SND1: variants seen among roughly 807,000 people sequenced by gnomAD.
SND1 encodes the protein staphylococcal nuclease domain-containing protein 1.
SND1 carries 38 observed loss-of-function variants against 121.7 expected under a neutral mutation model. The ratio of observed to expected loss-of-function variants is 0.31; its 90% CI spans 0.24 to 0.41. The LOEUF (loss-of-function observed/expected upper bound fraction) is 0.41, where lower values mean the gene tolerates loss of function less well. SND1 is among the 10% of genes least tolerant of loss of function. SND1 has a pLI of 1.00. For missense variants in SND1, 868 were observed against 1,184.6 expected (o/e 0.73, Z 3.92); for synonymous variants, 401 against 447.4 (o/e 0.90, Z 1.31).
chr7:127,988,285 T>A (rs2116912539), intron 15 of SND1, among the ~76,000 whole-genome samples: 1 of 152,302 alleles, frequency 6.6e-6, no homozygotes, highest in South Asian at 2.1e-4. Context: ...GGGAATAGAT[T>A]CTGCCTCTGC....
At chr7:127,790,112 G>A (rs1033406915) in intron 10 of SND1, among the ~76,000 whole-genome samples, 2 of 152,168 alleles carry the variant, frequency 1.3e-5, no homozygotes, top group African/African-American at 4.8e-5. Flanking sequence ...ACATTCTGTA[G>A]CTAGGTGGCA....
chr7:127,830,118 C>T (rs575378402), intron 11 of SND1, among the ~76,000 whole-genome samples: 2 of 152,192 alleles, frequency 1.3e-5, no homozygotes, highest in African/African-American at 4.8e-5. Context: ...TGCGGTGGCT[C>T]ATGCCTGTAA....
chr7:127,673,438 A>G (rs922782550), intron 1 of SND1, among the ~76,000 whole-genome samples: 6 of 151,986 alleles, frequency 3.9e-5, no homozygotes, highest in African/African-American at 1.4e-4. Flanking sequence ...TAGCCTCTCG[A>G]GTAGCTGGGA....
At chr7:127,929,530 C>G (rs1457788140) in intron 15 of SND1, among the ~76,000 whole-genome samples, 1 of 152,182 alleles carries the variant, frequency 6.6e-6, no homozygotes, top group Non-Finnish European at 1.5e-5. Context: ...TTCTGCTCCT[C>G]ATTTCTACCA....
chr7:127,881,862 C>G (rs1320367558), intron 12 of SND1, among the ~76,000 whole-genome samples: 1 of 152,152 alleles, frequency 6.6e-6, no homozygotes, highest in Non-Finnish European at 1.5e-5. Flanking sequence ...TAGCCTTGAT[C>G]TCCTGGACGC....
At chr7:127,709,917 G>GA (rs1429412265) in intron 9 of SND1, among the ~76,000 whole-genome samples, 2 of 151,258 alleles carry the variant, frequency 1.3e-5, no homozygotes, top group East Asian at 3.9e-4. Flanking sequence ...TTTAAAACAG[G>GA]AAAAAAACAT....
chr7:127,975,337 G>A (rs374334195), intron 15 of SND1, among the ~76,000 whole-genome samples: 27 of 152,060 alleles, frequency 1.8e-4, no homozygotes, highest in Admixed American at 3.3e-4. Flanking sequence ...GTGTGGGCGC[G>A]CGCGCATGTG....
chr7:127,704,606 G>T (rs1378322845), intron 7 of SND1, among the ~76,000 whole-genome samples: 1 of 152,180 alleles, frequency 6.6e-6, no homozygotes, highest in African/African-American at 2.4e-5. Flanking sequence ...GAGTTATTAT[G>T]GTGGATATTG....
intron 2 of SND1, among the ~76,000 whole-genome samples, chr7:127,692,902 G>A: frequency 6.6e-6 from 1 of 152,194 alleles, no homozygotes; most frequent in South Asian, 2.1e-4. Context: ...TTTTAGAAAA[G>A]TTCTGCCTGG....
chr7:127,966,104 C>G (rs1242212920), intron 15 of SND1, among the ~76,000 whole-genome samples: 2 of 145,840 alleles, frequency 1.4e-5, no homozygotes, highest in Admixed American at 6.9e-5. Context: ...GTGGTGATAT[C>G]CCCTTTATCA....
intron 16 of SND1, among the ~76,000 whole-genome samples, chr7:128,020,638 C>T (rs1362591901): frequency 6.6e-6 from 1 of 152,174 alleles, no homozygotes; most frequent in South Asian, 2.1e-4. Context: ...ATCCCCAGGT[C>T]GGCCAGCCTC....
intron 12 of SND1, among the ~76,000 whole-genome samples, chr7:127,881,501 G>T (rs1397730163): frequency 6.6e-6 from 1 of 151,984 alleles, no homozygotes; most frequent in Admixed American, 6.6e-5. Flanking sequence ...CTACTTATGG[G>T]CACCAAATAT....
At chr7:127,925,288 C>T (rs892253405) in intron 14 of SND1, among the ~76,000 whole-genome samples, 8 of 152,180 alleles carry the variant, frequency 5.3e-5, no homozygotes, top group African/African-American at 1.9e-4. Context: ...TGTCAGAAAT[C>T]CAGTTGCTTC....
At chr7:127,976,695 T>C (rs1802128539) in intron 15 of SND1, among the ~76,000 whole-genome samples, 1 of 152,220 alleles carries the variant, frequency 6.6e-6, no homozygotes, top group African/African-American at 2.4e-5. Flanking sequence ...GAACAATCTT[T>C]CCCTGAATTC....
At chr7:127,802,998 T>C (rs1264546748) in intron 10 of SND1, among the ~76,000 whole-genome samples, 2 of 152,228 alleles carry the variant, frequency 1.3e-5, no homozygotes, top group Non-Finnish European at 2.9e-5. Flanking sequence ...CCCAGATTAC[T>C]ATCATAATCT....
intron 15 of SND1, among the ~76,000 whole-genome samples, chr7:127,961,333 AC>A (rs780453595): frequency 6.6e-6 from 1 of 152,250 alleles, no homozygotes; most frequent in Non-Finnish European, 1.5e-5. Context: ...AATGGTGTTT[AC>A]TTACATATTT....
intron 1 of SND1, among the ~76,000 whole-genome samples, chr7:127,673,995 C>A (rs1448652973): frequency 1.3e-5 from 2 of 151,682 alleles, no homozygotes; most frequent in African/African-American, 4.8e-5. Flanking sequence ...CCCTTTCCTT[C>A]CCTTTCCTTT....
Position 128,092,072 on chromosome 7 carries a change from T to A in SND1, c.*14T>A. On this transcript the variant is annotated 3_prime_UTR_variant, in exon 24 of 24. Transcript: ENST00000354725. The surrounding 1 kb of genome is among the most constrained non-coding windows in gnomAD (Gnocchi z 4.9). ...TACAGCCGCTAAGGAGGGGATCGGG[T>A]TTGGCCCCCAGCCCCGCTCACGCCA... 6.2e-7 allele frequency: 1 copy of A among 1,613,824 alleles called. No homozygotes were observed. Among genetic ancestry groups the A allele is most frequent in the Non-Finnish European group, 8.5e-7 (1 of 1,179,782 alleles).
At chr7:127,746,027 A>G (rs1796974755) in intron 10 of SND1, among the ~76,000 whole-genome samples, 2 of 152,188 alleles carry the variant, frequency 1.3e-5, no homozygotes, top group African/African-American at 2.4e-5. Flanking sequence ...CTGCTGAGGA[A>G]GCTGTGACCT....
Sources: allele counts gnomAD v4.1 joint callset (sites outside exome capture counted in the v4.1 genomes callset), GRCh38; gene constraint gnomAD v4.1.1; non-coding constraint Gnocchi (gnomAD v3.1); transcripts MANE v1.5; gene names NCBI Gene and HGNC (gene_info 2026-07-23, HGNC 2026-07-21).